Variants in MYH13 observed in about 807,000 individuals in gnomAD.
The protein encoded by MYH13 is myosin-13.
A neutral mutation model predicts 232.1 loss-of-function variants in MYH13; 177 were observed. That is an observed-to-expected ratio of 0.76 (90% confidence interval 0.67 to 0.86). The LOEUF is 0.86. MYH13 is among the 40% of genes least tolerant of loss of function. The probability of loss-of-function intolerance (pLI) is 0.00; values close to 1 mark genes in which losing one functional copy is unlikely to be tolerated. For synonymous variants in MYH13, 884 were observed against 923.5 expected (o/e 0.96, Z 0.78); for missense variants, 2,246 against 2,405.9 (o/e 0.93, Z 1.39).
intron 22 of MYH13, among the ~76,000 whole-genome samples, chr17:10,325,621 A>G (rs1372357937): frequency 1.3e-5 from 2 of 152,248 alleles, no homozygotes; most frequent in Non-Finnish European, 2.9e-5. Context: ...ACAGACCAAG[A>G]TCAGCTACTT....
Position 10,318,837 on chromosome 17 carries a change from C to T in MYH13, c.3691G>A (p.Glu1231Lys). 1 of 1,614,108 alleles carries T rather than the reference C, an allele frequency of 6.2e-7. No individual in the cohort carries two copies. Among genetic ancestry groups the T allele is most frequent in the Non-Finnish European group, 8.5e-7 (1 of 1,180,030 alleles). The change falls in exon 27 of 41, where the codon GAG becomes AAG. Residue 1231 changes from glutamate to lysine, a missense_variant. Physicochemically the swap from Glu to Lys is moderately conservative, Grantham distance 56. Coordinates refer to ENST00000252172, the MANE Select transcript of MYH13 (RefSeq NM_003802.3). ...LEKEKSELKM[E>K]IDDMASNIEA... The stretch of plus-strand genomic sequence containing the variant: ...ATGTTGCTGGCCATGTCGTCAATCT[C>T]CATCTTCAGCTCGCTCTTCTCCTTC...
intron 35 of MYH13, among the ~76,000 whole-genome samples, chr17:10,308,466 G>C (rs956809479): frequency 2.4e-5 from 1 of 41,112 alleles, no homozygotes; most frequent in Non-Finnish European, 5.2e-5. Flanking sequence ...TTTTTTTTTT[G>C]TAGAGACAAG....
chr17:10,345,422 G>A, intron 14 of MYH13, 45 bp downstream of exon 14: 3 of 1,614,158 alleles, frequency 1.9e-6, no homozygotes, highest in Non-Finnish European at 1.7e-6. Flanking sequence ...AAAATACATT[G>A]GAGATTCAGC....
chr17:10,353,141 T>C lies in MYH13; in HGVS notation c.1005+1539A>G, dbSNP rs149942257. Among the ~76,000 whole-genome samples, 581 of 152,352 alleles carry C rather than the reference T, an allele frequency of 3.8e-3. 7 individuals are homozygous for C. Among genetic ancestry groups the C allele is most frequent in the African/African-American group, 0.014 (563 of 41,574 alleles). The stretch of plus-strand genomic sequence containing the variant: ...GACCTGTACCTAATCAAGCTGTTTC[T>C]GTATGTCACTTCCTTTTTCTGCCTA... On this transcript the variant is annotated intron_variant, in intron 11 of 40. Coordinates refer to ENST00000252172, the MANE Select transcript of MYH13 (RefSeq NM_003802.3).
chr17:10,312,179 A>G, intron 31 of MYH13, 103 bp from the exon 32 acceptor site: 1 of 1,297,598 alleles, frequency 7.7e-7, no homozygotes, highest in Non-Finnish European at 1.1e-6. Context: ...TTGCCCTTCC[A>G]TCCTTAGGGA....
chr17:10,300,991 A>G (rs199537463), intron 40 of MYH13, 26 bp from the exon 41 acceptor site: 60 of 1,609,654 alleles, frequency 3.7e-5, no homozygotes, highest in South Asian at 3.4e-4. Flanking sequence ...ATAATTGTAC[A>G]TAGGAAATGA....
At chr17:10,318,336 G>GT (rs747286286) in intron 27 of MYH13, among the ~76,000 whole-genome samples, 52 of 152,292 alleles carry the variant, frequency 3.4e-4, no homozygotes, top group Middle Eastern at 6.8e-3. Context: ...GTCCAGTGGT[G>GT]TTGGGGGGTG....
rs936506701 is a variant in MYH13, at chr17:10,327,870, T to C, written c.2687A>G (p.Gln896Arg). ...QEKNDLQLQV[Q>R]SETENLMDAE... ...TCTCAAGTAGAAGGTACTTACAGAC[T>C]GGACCTGCAATTGGAGGTCATTCTT... The change falls in exon 22 of 41, where the codon CAG becomes CGG. Residue 896 changes from glutamine (Q) to arginine (R), a missense_variant. Physicochemically the swap from Gln to Arg is conservative, Grantham distance 43. Transcript: ENST00000252172. The C allele has an allele frequency of 5.6e-6, 9 of 1,612,346 alleles. No individual in the cohort carries two copies. The South Asian group carries it at 9.9e-5, about 18-fold the overall frequency.
Position 10,340,429 on chromosome 17 carries a change from A to G in MYH13, c.1895-28T>C, listed in dbSNP as rs778923708. ...GGAGACAGACACAGAAGAGCGTGTT[A>G]GATGCATCCCAGAGGACCCAGCAGT... is the stretch of plus-strand genomic sequence containing the variant. On this transcript the variant is annotated intron_variant, in intron 16 of 40. Coordinates refer to ENST00000252172, the MANE Select transcript of MYH13 (RefSeq NM_003802.3). The G allele has an allele frequency of 7.6e-6, 12 of 1,584,882 alleles. No individual in the cohort carries two copies. The African/African-American group carries it at 1.6e-4, about 21-fold the overall frequency.
intron 39 of MYH13, 60 bp downstream of exon 39, chr17:10,303,136 A>G: frequency 6.7e-7 from 1 of 1,482,310 alleles, no homozygotes; most frequent in Non-Finnish European, 9.4e-7. Flanking sequence ...TGGCGGGGAC[A>G]CCCAGGATGC....
At chr17:10,340,467 CCACCT>C (rs2071612619) in intron 16 of MYH13, 66 bp from the exon 17 acceptor site, 1 of 1,261,314 alleles carries the variant, frequency 7.9e-7, no homozygotes, top group African/African-American at 1.5e-5. Flanking sequence ...GCTTCCTGAA[CCACCT>C]GTTCCCAGCC....
intron 1 of MYH13, among the ~76,000 whole-genome samples, chr17:10,372,041 C>A (rs1355306298): frequency 6.6e-6 from 1 of 152,136 alleles, no homozygotes; most frequent in East Asian, 1.9e-4. Flanking sequence ...TCATGAAGCC[C>A]TATTTAGGCA....
chr17:10,361,591 G>A (rs896154778), intron 5 of MYH13, among the ~76,000 whole-genome samples: 1 of 152,196 alleles, frequency 6.6e-6, no homozygotes, highest in Non-Finnish European at 1.5e-5. Context: ...ACCGCACCCA[G>A]CCTTGCTTCT....
rs775409429 is a variant in MYH13, at chr17:10,330,481, T to C, written c.2341A>G (p.Arg781Gly). The C allele has an allele frequency of 1.1e-5, 17 of 1,612,038 alleles. No individual in the cohort carries two copies. In the East Asian group the frequency reaches 2.9e-4, roughly 27 times the overall value. Residue 781 changes from arginine (R) to glycine (G), a missense_variant, in exon 21 of 41, where the codon AGA becomes GGA. Transcript: ENST00000252172. ...ATCAGCGTCACCAGCTTCTCATCTC[T>C]CATCTCCTCCAAAAGTCCCAGGAGC... ...AGLLGLLEEM[R>G]DEKLVTLMTS...
In MYH13 at chr17:10,328,020, C is replaced by G. The variant is rs199519118; in HGVS notation, c.2537G>C (p.Ser846Thr). 6.2e-7 allele frequency: 1 copy of G among 1,614,216 alleles called. No individual in the cohort carries two copies. Among genetic ancestry groups the G allele is most frequent in the Non-Finnish European group, 8.5e-7 (1 of 1,180,042 alleles). Reference sequence around the variant, plus strand: ...GGCCATCTCCTTCTCGGCCTCTGCACTCTTCAGCAGGGGCTTGATTTTGAA... The same window carrying G: ...GGCCATCTCCTTCTCGGCCTCTGCAGTCTTCAGCAGGGGCTTGATTTTGAA... Reference protein sequence around the residue: ...LFFKIKPLLKSAEAEKEMATM... With the variant: ...LFFKIKPLLKTAEAEKEMATM... Residue 846 changes from serine (S) to threonine (T), a missense_variant, in exon 22 of 41, where the codon AGT becomes ACT. Physicochemically the swap from Ser to Thr is moderately conservative, Grantham distance 58. Transcript: ENST00000252172.
intron 21 of MYH13, among the ~76,000 whole-genome samples, chr17:10,329,601 C>T (rs1403244906): frequency 6.6e-6 from 1 of 152,204 alleles, no homozygotes; most frequent in African/African-American, 2.4e-5. Context: ...CTACCTGCCT[C>T]TTGCTCTCTA....
At chr17:10,346,535 GC>G in intron 13 of MYH13, 144 bp downstream of exon 13, 1 of 620,498 alleles carries the variant, frequency 1.6e-6, no homozygotes, top group South Asian at 2.2e-5. Context: ...TCCTTCAGTT[GC>G]CTCTGAAGCC....
chr17:10,347,008 A>T (rs1218519593), intron 12 of MYH13, among the ~76,000 whole-genome samples: 1 of 152,138 alleles, frequency 6.6e-6, no homozygotes, highest in African/African-American at 2.4e-5. Context: ...TGCCTCCTAG[A>T]TGCAGTTTTA....
Position 10,343,924 on chromosome 17 carries a change from G to A in MYH13, c.1770C>T (p.Tyr590=). The change falls in exon 16 of 41, where the codon TAC becomes TAT. Residue 590 remains tyrosine, a synonymous_variant. Coordinates refer to ENST00000252172, the MANE Select transcript of MYH13 (RefSeq NM_003802.3). ...TTTTGTCCAGCCAGCCGGCGATGTT[G>A]TAGTCCACGGTGCCGGCATAGTGCA... is the stretch of plus-strand genomic sequence containing the variant. The part of the protein sequence containing the change: ...SLVHYAGTVD[Y]NIAGWLDKNK... The A allele has an allele frequency of 1.9e-6, 3 of 1,614,260 alleles. No individual in the cohort carries two copies. The highest frequency in any genetic ancestry group is 2.5e-6 in the Non-Finnish European group (3 of 1,180,044).
Sources: allele counts gnomAD v4.1 joint callset (sites outside exome capture counted in the v4.1 genomes callset), GRCh38; gene constraint gnomAD v4.1.1; transcripts MANE v1.5; gene names NCBI Gene and HGNC (gene_info 2026-07-23, HGNC 2026-07-21).